TAX1BP1: variants seen among roughly 807,000 people sequenced by gnomAD.
TAX1BP1 encodes tax1-binding protein 1.
Under a neutral mutation model 97.7 loss-of-function variants are expected in TAX1BP1, and 62 were observed. That is an observed-to-expected ratio of 0.63 (90% CI 0.52 to 0.78). TAX1BP1 has a LOEUF of 0.78. Ranked by LOEUF, TAX1BP1 falls within the 30% of genes least tolerant of loss-of-function variation. The probability of loss-of-function intolerance (pLI) is 0.00; values close to 1 mark genes in which losing one functional copy is unlikely to be tolerated. For synonymous variants in TAX1BP1, 340 were observed against 304.2 expected (o/e 1.12, Z -1.23); for missense variants, 867 against 916.1 (o/e 0.95, Z 0.69).
At chr7:27,819,090 C>T (rs935513082) in intron 15 of TAX1BP1, among the ~76,000 whole-genome samples, 12 of 151,820 alleles carry the variant, frequency 7.9e-5, no homozygotes, top group African/African-American at 2.9e-4. Flanking sequence ...GTAACAAAAC[C>T]AGTTTTTTCC....
intron 13 of TAX1BP1, among the ~76,000 whole-genome samples, chr7:27,815,328 TA>T (rs375996557): frequency 6.6e-6 from 1 of 151,974 alleles, no homozygotes. Flanking sequence ...TTCTGAGATT[TA>T]AAAAAAATCA....
intron 12 of TAX1BP1, 58 bp downstream of exon 12, chr7:27,796,277 C>A: frequency 7.6e-7 from 1 of 1,315,002 alleles, no homozygotes; most frequent in South Asian, 1.4e-5. Flanking sequence ...ACTTAGCTTA[C>A]CTTTATTGTT....
At chr7:27,750,220 A>C (rs1272927252) in intron 2 of TAX1BP1, among the ~76,000 whole-genome samples, 1 of 152,234 alleles carries the variant, frequency 6.6e-6, no homozygotes, top group Non-Finnish European at 1.5e-5. Flanking sequence ...AAAGAAGGGC[A>C]TTTCCAGCAG....
chr7:27,765,852 A>G lies in TAX1BP1; in HGVS notation c.284A>G (p.Asp95Gly). 1 of 1,613,702 alleles carries G rather than the reference A, an allele frequency of 6.2e-7. No individual in the cohort carries two copies. Among genetic ancestry groups the G allele is most frequent in the Middle Eastern group, 1.7e-4 (1 of 6,060 alleles). The change falls in exon 4 of 17, where the codon GAT becomes GGT. Residue 95 changes from aspartate (D) to glycine (G), a missense_variant. By Grantham distance (94) the Asp-to-Gly change is moderately conservative. This residue lies in a region of TAX1BP1 where 822 missense variants were observed against 851.4 expected (regional missense o/e 0.97). Transcript: ENST00000396319. ...CTCTTAGGATATTACCTTCCAAATG[A>G]TGATGGAGAATTTTATCAGTTCTGT... is the stretch of plus-strand genomic sequence containing the variant. ...LAFQGYYLPN[D>G]DGEFYQFCYV...
chr7:27,794,232 A>G, intron 10 of TAX1BP1, 91 bp from the exon 11 acceptor site: 1 of 1,132,082 alleles, frequency 8.8e-7, no homozygotes, highest in Non-Finnish European at 1.2e-6. Flanking sequence ...TCCTAAAGTA[A>G]TATGTAAAAA....
intron 13 of TAX1BP1, among the ~76,000 whole-genome samples, chr7:27,804,038 G>A (rs1298168957): frequency 1.3e-5 from 2 of 152,158 alleles, no homozygotes; most frequent in African/African-American, 4.8e-5. Context: ...TAATATTTGA[G>A]CTTTTAAGCA....
At position 27,807,724 on chromosome 7, in the gene TAX1BP1, A is replaced by T. The variant is rs573212472; in HGVS notation, c.1764+7634A>T. Among the ~76,000 whole-genome samples, 21 of 152,244 alleles carry T rather than the reference A, an allele frequency of 1.4e-4. 1 individual carries two copies. The South Asian group carries it at 4.4e-3, about 32-fold the overall frequency. On this transcript the variant is annotated intron_variant, in intron 13 of 16. Coordinates refer to ENST00000396319, the MANE Select transcript of TAX1BP1 (RefSeq NM_006024.7). ...ATGTAAATATCTTGTTCTTTATCAG[A>T]CTTTCACCTGGTATTTTAGTATCTA... is the stretch of plus-strand genomic sequence containing the variant.
intron 14 of TAX1BP1, 103 bp downstream of exon 14, chr7:27,816,623 C>G: frequency 9.3e-7 from 1 of 1,072,480 alleles, no homozygotes; most frequent in Non-Finnish European, 1.3e-6. Flanking sequence ...AACCCTAATA[C>G]AAACATTATT....
intron 13 of TAX1BP1, among the ~76,000 whole-genome samples, chr7:27,812,974 A>G (rs1223901766): frequency 6.6e-6 from 1 of 152,180 alleles, no homozygotes; most frequent in Non-Finnish European, 1.5e-5. Flanking sequence ...AGTAGTTGCA[A>G]CAGAGACTGT....
At chr7:27,786,745 TTTAAAGAGTAAAG>T (rs1339206723) in intron 7 of TAX1BP1, among the ~76,000 whole-genome samples, 1 of 152,232 alleles carries the variant, frequency 6.6e-6, no homozygotes, top group Non-Finnish European at 1.5e-5. Flanking sequence ...ATTCTGTATA[TTTAAAGAGTAAAG>T]TGCAAGAAGT....
chr7:27,781,926 C>T (rs962929927), intron 5 of TAX1BP1, among the ~76,000 whole-genome samples: 3 of 152,056 alleles, frequency 2.0e-5, no homozygotes, highest in Admixed American at 1.3e-4. Flanking sequence ...ACCATGTTGG[C>T]CAGGCTCTCG....
At chr7:27,778,166 T>C (rs887188004) in intron 5 of TAX1BP1, among the ~76,000 whole-genome samples, 1 of 152,220 alleles carries the variant, frequency 6.6e-6, no homozygotes, top group African/African-American at 2.4e-5. Context: ...TCAGAAACTT[T>C]GTTACTGGTC....
chr7:27,809,546 G>A (rs558737146), intron 13 of TAX1BP1, among the ~76,000 whole-genome samples: 73 of 152,310 alleles, frequency 4.8e-4, no homozygotes, highest in African/African-American at 1.7e-3. Flanking sequence ...TTTTGGAGGG[G>A]AGAGTTCAGT....
chr7:27,816,578 A>T, intron 14 of TAX1BP1, 58 bp downstream of exon 14: 1 of 1,399,028 alleles, frequency 7.1e-7, no homozygotes, highest in Non-Finnish European at 9.6e-7. Context: ...TTTATGGTTT[A>T]TATTTTCATG....
intron 3 of TAX1BP1, among the ~76,000 whole-genome samples, chr7:27,759,260 A>C (rs556576926): frequency 2.0e-5 from 3 of 152,192 alleles, no homozygotes; most frequent in Non-Finnish European, 2.9e-5. Context: ...ATATTAATAC[A>C]TGTGCTTCAA....
intron 13 of TAX1BP1, among the ~76,000 whole-genome samples, chr7:27,811,981 G>A (rs892731987): frequency 2.0e-5 from 3 of 152,108 alleles, no homozygotes; most frequent in Non-Finnish European, 2.9e-5. Context: ...TCTTTTTGTG[G>A]ACATATGTTT....
chr7:27,769,647 CTAAT>C (rs745925990), intron 4 of TAX1BP1, 25 bp from the exon 5 acceptor site: 12 of 1,548,258 alleles, frequency 7.8e-6, no homozygotes, highest in South Asian at 4.9e-5. Flanking sequence ...AAGCAAAAAA[CTAAT>C]TAATCTGAGT....
At chr7:27,803,142 G>A (rs1259560413) in intron 13 of TAX1BP1, 6 of 1,547,290 alleles carry the variant, frequency 3.9e-6, no homozygotes, top group Non-Finnish European at 5.2e-6. Context: ...AGAAATAAGT[G>A]GTCTGATTTC....
chr7:27,817,036 A>G lies in TAX1BP1; in HGVS notation c.2083A>G (p.Lys695Glu). The change falls in exon 15 of 17, where the codon AAA becomes GAA. Residue 695 changes from lysine to glutamate, a missense_variant and splice_region_variant. By Grantham distance (56) the Lys-to-Glu change is moderately conservative. Coordinates refer to ENST00000396319, the MANE Select transcript of TAX1BP1 (RefSeq NM_006024.7). ...PDGLEDSEDS[K>E]EDENVPTAPD... ...TGGCTTAGAGGACTCTGAGGATAGCAAAGTAAATTGAATTTTCATTGTGTG... is the reference window on the plus strand; with the variant it reads ...TGGCTTAGAGGACTCTGAGGATAGCGAAGTAAATTGAATTTTCATTGTGTG... 2 of 1,601,092 alleles carry G rather than the reference A, an allele frequency of 1.2e-6. No individual in the cohort carries two copies. The highest frequency in any genetic ancestry group is 8.5e-7 in the Non-Finnish European group (1 of 1,176,826).
Sources: allele counts gnomAD v4.1 joint callset (sites outside exome capture counted in the v4.1 genomes callset), GRCh38; gene constraint gnomAD v4.1.1; regional missense constraint gnomAD v4.1.1; transcripts MANE v1.5; gene names NCBI Gene and HGNC (gene_info 2026-07-23, HGNC 2026-07-21).